The following CCDC141 variants were observed in gnomAD, a reference collection of about 807,000 sequenced individuals.
CCDC141 encodes coiled-coil domain-containing protein 141.
A neutral mutation model predicts 181.0 loss-of-function variants in CCDC141; 168 were observed. That is an observed-to-expected ratio of 0.93 (90% confidence interval 0.82 to 1.05). CCDC141 has a LOEUF of 1.05. CCDC141 is among the 50% of genes least tolerant of loss of function. CCDC141 has a pLI of 0.00. For missense variants in CCDC141, 1,902 were observed against 1,788.5 expected (o/e 1.06, Z -1.14); for synonymous variants, 666 against 642.3 (o/e 1.04, Z -0.56).
intron 4 of CCDC141, among the ~76,000 whole-genome samples, chr2:178,965,818 T>C (rs989133212): frequency 2.6e-5 from 4 of 152,196 alleles, no homozygotes; most frequent in African/African-American, 9.6e-5. Context: ...CCAAGTGGTC[T>C]GACTTAGCAG....
At chr2:178,924,341 G>A (rs573964427) in intron 6 of CCDC141, among the ~76,000 whole-genome samples, 2 of 152,240 alleles carry the variant, frequency 1.3e-5, no homozygotes, top group East Asian at 3.9e-4. Context: ...CCTATTTCTT[G>A]TTTAACCCTC....
At chr2:179,000,345 G>A (rs190091245) in intron 2 of CCDC141, among the ~76,000 whole-genome samples, 177 of 152,166 alleles carry the variant, frequency 1.2e-3, no homozygotes, top group African/African-American at 4.0e-3. Flanking sequence ...ATTGTCCACA[G>A]CTACTATCAC....
chr2:178,850,626 C>A (rs528348139), intron 20 of CCDC141, among the ~76,000 whole-genome samples: 16 of 151,684 alleles, frequency 1.1e-4, no homozygotes, highest in Non-Finnish European at 1.8e-4. Context: ...CACACAGCAG[C>A]TGAGTATTCC....
chr2:178,888,417 G>T, intron 9 of CCDC141, 110 bp downstream of exon 9: 1 of 938,026 alleles, frequency 1.1e-6, no homozygotes, highest in Non-Finnish European at 1.6e-6. Flanking sequence ...TGGTACATAA[G>T]GGCAGCCTAA....
intron 2 of CCDC141, among the ~76,000 whole-genome samples, chr2:179,041,858 A>T (rs1271042431): frequency 6.6e-6 from 1 of 152,236 alleles, no homozygotes; most frequent in Non-Finnish European, 1.5e-5. Flanking sequence ...CAACAAGAAG[A>T]GCTGAATATC....
At chr2:179,019,363 C>T (rs1467750702) in intron 2 of CCDC141, among the ~76,000 whole-genome samples, 3 of 152,072 alleles carry the variant, frequency 2.0e-5, no homozygotes, top group Non-Finnish European at 4.4e-5. Flanking sequence ...TTCATCTATG[C>T]AGAACACTAA....
At chr2:178,818,840 T>C in the CCDC141 span, among the ~76,000 whole-genome samples, 1 of 152,204 alleles carries the variant, frequency 6.6e-6, no homozygotes, top group Non-Finnish European at 1.5e-5. Context: ...TCTAGATCTT[T>C]GAGGAATCAC....
intron 2 of CCDC141, among the ~76,000 whole-genome samples, chr2:179,012,339 T>C (rs982860173): frequency 6.6e-6 from 1 of 152,122 alleles, no homozygotes; most frequent in Non-Finnish European, 1.5e-5. Context: ...AAGGCTACTA[T>C]GAACACTTTC....
intron 8 of CCDC141, among the ~76,000 whole-genome samples, chr2:178,889,292 C>T (rs1687037310): frequency 6.6e-6 from 1 of 151,998 alleles, no homozygotes; most frequent in Non-Finnish European, 1.5e-5. Context: ...GACGTGAGAG[C>T]TCCTACAATG....
At position 179,042,426 on chromosome 2, in the gene CCDC141, C is replaced by A. The variant is rs369950112; in HGVS notation, c.225+4858G>T. The stretch of plus-strand genomic sequence containing the variant: ...GCAATGGTGCAATCTTGGCTTACTG[C>A]AACCTCTGTCTCCTGGGTTCAATAA... On this transcript the variant is annotated intron_variant, in intron 2 of 23. Coordinates refer to ENST00000443758, the MANE Select transcript of CCDC141 (RefSeq NM_173648.4). 9.2e-5 allele frequency among the ~76,000 whole-genome samples: 14 copies of A among 152,320 alleles called. No homozygotes were observed. The South Asian group carries it at 2.9e-3, about 32-fold the overall frequency.
intron 2 of CCDC141, among the ~76,000 whole-genome samples, chr2:179,006,028 C>T (rs2042114596): frequency 1.3e-5 from 2 of 152,312 alleles, no homozygotes; most frequent in Non-Finnish European, 1.5e-5. Flanking sequence ...ACACCTCCAA[C>T]AGCCACAAAG....
chr2:178,884,727 G>A (rs1686796479), intron 11 of CCDC141, among the ~76,000 whole-genome samples, 174 bp downstream of exon 11: 1 of 152,130 alleles, frequency 6.6e-6, no homozygotes, highest in African/African-American at 2.4e-5. Context: ...TTTATAGATT[G>A]AGAACTGCTG....
In CCDC141 at chr2:179,034,620, G is replaced by C. The variant is rs547407321; in HGVS notation, c.225+12664C>G. 3.3e-5 allele frequency among the ~76,000 whole-genome samples: 5 copies of C among 152,286 alleles called. No homozygotes were observed. In the East Asian group the frequency reaches 7.7e-4, roughly 23 times the overall value. ...AGGTGAAGCTAGTAGATCACAGAAT[G>C]CATGCATTTTACATTTGAATGCTTT... On this transcript the variant is annotated intron_variant, in intron 2 of 23. Coordinates refer to ENST00000443758, the MANE Select transcript of CCDC141 (RefSeq NM_173648.4).
downstream of CCDC141, among the ~76,000 whole-genome samples, chr2:178,826,349 G>A (rs1684125362): frequency 6.6e-6 from 1 of 152,070 alleles, no homozygotes; most frequent in Non-Finnish European, 1.5e-5. Context: ...GAGGATTTTT[G>A]TAATTATATT....
chr2:178,834,053 A>G lies in CCDC141; in HGVS notation c.*120T>C, dbSNP rs540849805. On this transcript the variant is annotated 3_prime_UTR_variant, in exon 24 of 24. Coordinates refer to ENST00000443758, the MANE Select transcript of CCDC141 (RefSeq NM_173648.4). The stretch of plus-strand genomic sequence containing the variant: ...TAGCAGTGGTATTAGCCAAACAAGT[A>G]TGGTGATCAGACTGGAGATACACTT... The G allele has an allele frequency of 7.4e-5, 75 of 1,008,026 alleles. 1 individual carries two copies. In the Admixed American group the frequency reaches 1.3e-3, roughly 17 times the overall value. 62.4% of individuals were successfully genotyped at this position (1,008,026 alleles called of 1,614,324 possible).
chr2:179,033,561 T>C lies in CCDC141; in HGVS notation c.225+13723A>G, dbSNP rs145329306. Among the ~76,000 whole-genome samples the C allele has an allele frequency of 2.1e-3, 324 of 152,260 alleles. 1 individual carries two copies. Among genetic ancestry groups the C allele is most frequent in the South Asian group, 0.018 (85 of 4,828 alleles). On this transcript the variant is annotated intron_variant, in intron 2 of 23. Coordinates refer to ENST00000443758, the MANE Select transcript of CCDC141 (RefSeq NM_173648.4). ...CCTAATATTTAATCTTACTCAGACATATTGAAGACTGGGAGTAGGGGATGG... is the reference window on the plus strand; with the variant it reads ...CCTAATATTTAATCTTACTCAGACACATTGAAGACTGGGAGTAGGGGATGG...
intron 4 of CCDC141, among the ~76,000 whole-genome samples, chr2:178,968,137 G>A (rs944998153): frequency 6.6e-6 from 1 of 152,066 alleles, no homozygotes; most frequent in African/African-American, 2.4e-5. Context: ...CAATAATAGT[G>A]GGACACTTTA....
chr2:179,029,247 A>G (rs530103725), intron 2 of CCDC141, among the ~76,000 whole-genome samples: 1 of 152,304 alleles, frequency 6.6e-6, no homozygotes, highest in African/African-American at 2.4e-5. Flanking sequence ...CATTTTGTAT[A>G]TAGTCTTCCA....
intron 20 of CCDC141, among the ~76,000 whole-genome samples, chr2:178,850,394 G>A (rs2154367048): frequency 6.6e-6 from 1 of 152,310 alleles, no homozygotes; most frequent in East Asian, 1.9e-4. Context: ...CCTAAATAAT[G>A]TTGCTACATG....
Sources: gnomAD v4.1 joint callset for allele counts (sites outside exome capture counted in the v4.1 genomes callset) on GRCh38, gnomAD v4.1.1 for gene constraint, MANE v1.5 for transcripts, NCBI Gene and HGNC (gene_info 2026-07-23, HGNC 2026-07-21) for gene names.